The following CD38 variants were observed in gnomAD, a reference collection of about 807,000 sequenced individuals.
The protein encoded by CD38 is CD38 molecule.
CD38 carries 31 observed loss-of-function variants against 36.3 expected under a neutral mutation model. The observed-to-expected ratio is 0.85, with a 90% CI of 0.64 to 1.15. CD38 has a LOEUF of 1.15. Among genes scored for constraint, CD38 ranks in the 50% most tolerant of loss-of-function variants. CD38 has a pLI of 0.00. For synonymous variants in CD38, 131 were observed against 135.2 expected (o/e 0.97, Z 0.22); for missense variants, 380 against 371.9 (o/e 1.02, Z -0.18).
chr4:15,794,965 T>C (rs1190217076), intron 1 of CD38, among the ~76,000 whole-genome samples: 1 of 152,172 alleles, frequency 6.6e-6, no homozygotes, highest in Non-Finnish European at 1.5e-5. Context: ...AACTTGCTTT[T>C]ATAGAGGGAA....
At position 15,841,618 on chromosome 4, in the gene CD38, C is replaced by T. The variant is rs529373351; in HGVS notation, c.839+1080C>T. On this transcript the variant is annotated intron_variant, in intron 7 of 7. Coordinates refer to ENST00000226279, the MANE Select transcript of CD38 (RefSeq NM_001775.4). ...CTCCCAGCGTGAGCGACGCAGAAGA[C>T]GGGTGATTTCTGCATTTCCATCTGA... Among the ~76,000 whole-genome samples, 19 of 150,304 alleles carry T rather than the reference C, an allele frequency of 1.3e-4. No individual in the cohort carries two copies. In the South Asian group the frequency reaches 2.7e-3, roughly 21 times the overall value.
chr4:15,842,395 C>T (rs1323502088), intron 7 of CD38, among the ~76,000 whole-genome samples: 1 of 89,046 alleles, frequency 1.1e-5, no homozygotes, highest in African/African-American at 5.4e-5. Flanking sequence ...ACATCTACAC[C>T]GAAAACCCAT....
chr4:15,831,174 C>A (rs1423394404), intron 3 of CD38, among the ~76,000 whole-genome samples: 1 of 152,180 alleles, frequency 6.6e-6, no homozygotes, highest in African/African-American at 2.4e-5. Context: ...TATACCTTAA[C>A]TTCATTCTCC....
At chr4:15,840,172 G>A in intron 6 of CD38, 54 bp downstream of exon 6, 1 of 1,282,798 alleles carries the variant, frequency 7.8e-7, no homozygotes, top group Non-Finnish European at 1.1e-6. Context: ...GTCCACAAAA[G>A]AATCCACAGT....
chr4:15,813,578 T>C (rs560301427), intron 1 of CD38, among the ~76,000 whole-genome samples: 1 of 152,306 alleles, frequency 6.6e-6, no homozygotes, highest in African/African-American at 2.4e-5. Context: ...GTATTTGTCC[T>C]AATACTCTCC....
chr4:15,809,286 G>A (rs1039567164), intron 1 of CD38, among the ~76,000 whole-genome samples: 8 of 152,202 alleles, frequency 5.3e-5, no homozygotes, highest in Non-Finnish European at 1.0e-4. Context: ...GACACTTGGA[G>A]GTTCTGGTTC....
At chr4:15,790,249 A>G (rs1722936437) in intron 1 of CD38, among the ~76,000 whole-genome samples, 1 of 150,074 alleles carries the variant, frequency 6.7e-6, no homozygotes, top group African/African-American at 2.4e-5. Context: ...GCTGGACGGT[A>G]CTGCTGCCAT....
At chr4:15,806,800 T>C (rs968702414) in intron 1 of CD38, among the ~76,000 whole-genome samples, 1 of 152,188 alleles carries the variant, frequency 6.6e-6, no homozygotes, top group African/African-American at 2.4e-5. Context: ...CTATGCTGTG[T>C]TGAGCCTCAG....
At chr4:15,833,218 T>G (rs1723993270) in intron 3 of CD38, among the ~76,000 whole-genome samples, 1 of 152,126 alleles carries the variant, frequency 6.6e-6, no homozygotes, top group South Asian at 2.1e-4. Context: ...GCTCTACCTC[T>G]CTGTGGCTGT....
intron 2 of CD38, among the ~76,000 whole-genome samples, chr4:15,819,817 C>T (rs1014009573): frequency 6.6e-6 from 1 of 152,160 alleles, no homozygotes; most frequent in African/African-American, 2.4e-5. Context: ...TTGGAAAACA[C>T]ACTTCAGGAT....
intron 2 of CD38, among the ~76,000 whole-genome samples, chr4:15,817,655 C>T (rs1723629195): frequency 6.6e-6 from 1 of 152,148 alleles, no homozygotes; most frequent in Admixed American, 6.5e-5. Flanking sequence ...TTTGGTTGCT[C>T]AAGGTGAAAC....
intron 4 of CD38, among the ~76,000 whole-genome samples, chr4:15,835,363 CTTTTTTTTT>C (rs35143834): frequency 8.7e-5 from 5 of 57,704 alleles, no homozygotes; most frequent in South Asian, 1.1e-3. Context: ...GACAGGAATA[CTTTTTTTTT>C]TTTTTTTTTT....
At chr4:15,836,153 AT>A (rs1439514170) in intron 4 of CD38, among the ~76,000 whole-genome samples, 2 of 152,128 alleles carry the variant, frequency 1.3e-5, no homozygotes, top group East Asian at 3.9e-4. Flanking sequence ...AGACTTGGTA[AT>A]TTTTTTAAAA....
rs374391362 is a variant in CD38, at chr4:15,849,259, C to T, written c.*657C>T. 6.6e-6 allele frequency: 1 copy of T among 152,024 alleles called. No individual in the cohort carries two copies. The highest frequency in any genetic ancestry group is 2.4e-5 in the African/African-American group (1 of 41,388). The allele number at this position is 152,024 out of a possible 1,614,324, so 9.4% of individuals were successfully genotyped here. A position where few individuals can be genotyped will look rare whatever the true frequency, so the allele number is the denominator to read the frequency against. ...CAAAAGTAATTGCAAGTTTTGCCACCGAAAGGAATGGCAAAACCACAATTA... is the reference window on the plus strand; with the variant it reads ...CAAAAGTAATTGCAAGTTTTGCCACTGAAAGGAATGGCAAAACCACAATTA... On this transcript the variant is annotated 3_prime_UTR_variant, in exon 8 of 8. Coordinates refer to ENST00000226279, the MANE Select transcript of CD38 (RefSeq NM_001775.4).
At chr4:15,817,004 T>TA (rs1723616475) in intron 2 of CD38, among the ~76,000 whole-genome samples, 1 of 152,234 alleles carries the variant, frequency 6.6e-6, no homozygotes, top group Non-Finnish European at 1.5e-5. Context: ...GTAGTAGTAA[T>TA]AACAGCAATG....
At chr4:15,838,790 T>C (rs1290119382) in intron 5 of CD38, among the ~76,000 whole-genome samples, 17 of 152,116 alleles carry the variant, frequency 1.1e-4, no homozygotes, top group Admixed American at 1.1e-3. Context: ...CCCCTGAATA[T>C]GTACCAAAGA....
chr4:15,791,067 C>T (rs1403608906), intron 1 of CD38, among the ~76,000 whole-genome samples: 8 of 127,790 alleles, frequency 6.3e-5, no homozygotes, highest in African/African-American at 2.0e-4. Context: ...GCCCCCCGCC[C>T]GGCCAGCTGC....
At chr4:15,805,138 T>G (rs1723313957) in intron 1 of CD38, among the ~76,000 whole-genome samples, 1 of 152,246 alleles carries the variant, frequency 6.6e-6, no homozygotes, top group African/African-American at 2.4e-5. Flanking sequence ...AAGTCCATTT[T>G]CAGATGTGTA....
At chr4:15,824,792 G>C in intron 2 of CD38, 89 bp from the exon 3 acceptor site, 1 of 937,050 alleles carries the variant, frequency 1.1e-6, no homozygotes, top group Non-Finnish European at 1.6e-6. Context: ...GATATGCTCT[G>C]TTTTTTTTTT....
Sources: gnomAD v4.1 joint callset for allele counts (sites outside exome capture counted in the v4.1 genomes callset) on GRCh38, gnomAD v4.1.1 for gene constraint, MANE v1.5 for transcripts, NCBI Gene and HGNC (gene_info 2026-07-23, HGNC 2026-07-21) for gene names.